The following DDX47 variants were observed in gnomAD, a reference collection of about 807,000 sequenced individuals.
DDX47 encodes the protein DEAD-box helicase 47.
In DDX47, 60 loss-of-function variants were observed where a neutral mutation model predicts 58.8. The ratio of observed to expected loss-of-function variants is 1.02; its 90% CI spans 0.83 to 1.26. The LOEUF is 1.26. Ranked by LOEUF, DDX47 falls within the 50% of genes most tolerant of loss-of-function variation. The pLI, the probability that DDX47 is intolerant of heterozygous loss-of-function variation, is 0.00. For synonymous variants in DDX47, 197 were observed against 204.6 expected (o/e 0.96, Z 0.32); for missense variants, 530 against 573.2 (o/e 0.92, Z 0.77).
chr12:12,816,338 A>C (rs1329421648), intron 2 of DDX47, among the ~76,000 whole-genome samples: 2 of 152,144 alleles, frequency 1.3e-5, no homozygotes, highest in African/African-American at 2.4e-5. Context: ...TTGCTAGGAG[A>C]GTGGATCTTA....
intron 4 of DDX47, 57 bp from the exon 5 acceptor site, chr12:12,821,908 G>GTT (rs200563142): frequency 1.1e-4 from 123 of 1,119,952 alleles, no homozygotes; most frequent in African/African-American, 3.2e-4. Context: ...TATTTGTTTT[G>GTT]TTTTTTTTTT....
chr12:12,829,027 A>G (rs148521469), intron 11 of DDX47, among the ~76,000 whole-genome samples: 41 of 152,334 alleles, frequency 2.7e-4, no homozygotes, highest in African/African-American at 9.9e-4. Flanking sequence ...ATAAATTCCT[A>G]GAAGTACACT....
chr12:12,829,781 A>T lies in DDX47; in HGVS notation c.*227A>T. 2 of 430,520 alleles carry T rather than the reference A, an allele frequency of 4.6e-6. No individual in the cohort carries two copies. Among genetic ancestry groups the T allele is most frequent in the Non-Finnish European group, 8.1e-6 (2 of 248,162 alleles). The allele number at this position is 430,520 out of a possible 1,614,324, so 26.7% of individuals were successfully genotyped here. A position where few individuals can be genotyped will look rare whatever the true frequency, so the allele number is the denominator to read the frequency against. On this transcript the variant is annotated 3_prime_UTR_variant, in exon 12 of 12. Coordinates refer to ENST00000358007, the MANE Select transcript of DDX47 (RefSeq NM_016355.4). ...CTTCGACTTTGATTCCTTGCTCATG[A>T]CATGAGTAGGGTGTGCTCTTCTGTC... is the stretch of plus-strand genomic sequence containing the variant.
chr12:12,826,006 A>G lies in DDX47; in HGVS notation c.1042A>G (p.Ile348Val), dbSNP rs1252873456. ...TTTACCCTTTTTGTTTTAGGATTAC[A>G]TCCATCGAGTAGGTCGAACAGCTAG... ...FDIPTHSKDYIHRVGRTARAG... is the reference protein window; with the variant it reads ...FDIPTHSKDYVHRVGRTARAG... The change falls in exon 10 of 12, where the codon ATC becomes GTC. Residue 348 changes from isoleucine to valine, a missense_variant. Ile to Val is a conservative substitution (Grantham distance 29, BLOSUM62 3). Transcript: ENST00000358007. The G allele has an allele frequency of 6.2e-7, 1 of 1,611,930 alleles. No individual in the cohort carries two copies. Among genetic ancestry groups the G allele is most frequent in the Non-Finnish European group, 8.5e-7 (1 of 1,179,074 alleles).
rs750548037 is a variant in DDX47, at chr12:12,822,050, C to T, written c.528C>T (p.Ala176=). The T allele has an allele frequency of 8.7e-6, 14 of 1,613,240 alleles. No individual in the cohort carries two copies. Among genetic ancestry groups the T allele is most frequent in the South Asian group, 3.3e-5 (3 of 91,038 alleles). Residue 176 remains alanine (A), a synonymous_variant, in exon 5 of 12, where the codon GCC becomes GCT. Coordinates refer to ENST00000358007, the MANE Select transcript of DDX47 (RefSeq NM_016355.4). ...TCAAATACTTGGTCATGGATGAAGC[C>T]GACCGAATACTGAATATGGATTTTG... The part of the protein sequence containing the change: ...RALKYLVMDE[A]DRILNMDFET...
At chr12:12,827,909 T>A (rs1489875405) in intron 11 of DDX47, among the ~76,000 whole-genome samples, 3 of 142,782 alleles carry the variant, frequency 2.1e-5, no homozygotes, top group Non-Finnish European at 4.5e-5. Flanking sequence ...GGAGTTTTGC[T>A]CTTGTTGCCC....
chr12:12,825,898 ATC>A lies in DDX47; in HGVS notation c.1036-100_1036-99del, dbSNP rs1324841633. 21 of 819,338 alleles carry A rather than the reference ATC, an allele frequency of 2.6e-5. No individual in the cohort carries two copies. In the African/African-American group the frequency reaches 3.4e-4, roughly 13 times the overall value. 50.8% of individuals were successfully genotyped at this position (819,338 alleles called of 1,614,324 possible). ...TTATTTTCTCCATGTTACGAAATGA[ATC>A]TATTTTCTTTCAAAGGTTTTGCAGC... is the stretch of plus-strand genomic sequence containing the variant. On this transcript the variant is annotated intron_variant, in intron 9 of 11. Coordinates refer to ENST00000358007, the MANE Select transcript of DDX47 (RefSeq NM_016355.4).
chr12:12,826,316 C>A, intron 10 of DDX47: 1 of 312,926 alleles, frequency 3.2e-6, no homozygotes, highest in Non-Finnish European at 5.8e-6. Flanking sequence ...AGCTGGAGAG[C>A]AATTGCCTTT....
chr12:12,814,267 CA>C, intron 2 of DDX47, 43 bp downstream of exon 2: 1 of 1,175,590 alleles, frequency 8.5e-7, no homozygotes, highest in Admixed American at 1.7e-5. Flanking sequence ...AAAGTTATCT[CA>C]ATTAGATACC....
chr12:12,826,947 G>A (rs1004429914), intron 10 of DDX47, among the ~76,000 whole-genome samples: 1 of 151,806 alleles, frequency 6.6e-6, no homozygotes, highest in Non-Finnish European at 1.5e-5. Flanking sequence ...TATAGAGATG[G>A]CATCTCACTG....
At chr12:12,828,590 G>T (rs1020576699) in intron 11 of DDX47, among the ~76,000 whole-genome samples, 3 of 152,186 alleles carry the variant, frequency 2.0e-5, no homozygotes, top group African/African-American at 7.2e-5. Flanking sequence ...GAGGGATGGA[G>T]AAACTTTGCC....
Position 12,823,992 on chromosome 12 carries a change from C to T in DDX47, c.873C>T (p.Ile291=). ...TGCGAAATCTTGGCTTCACTGCCAT[C>T]CCCCTCCATGGACAAATGAGTCAGG... is the stretch of plus-strand genomic sequence containing the variant. ...LLLRNLGFTA[I]PLHGQMSQSK... is the part of the protein sequence containing the mutation. Residue 291 remains isoleucine (I), a synonymous_variant, in exon 8 of 12, where the codon ATC becomes ATT. Transcript: ENST00000358007. The T allele has an allele frequency of 6.2e-7, 1 of 1,614,022 alleles. No individual in the cohort carries two copies. Among genetic ancestry groups the T allele is most frequent in the South Asian group, 1.1e-5 (1 of 91,074 alleles).
intron 9 of DDX47, among the ~76,000 whole-genome samples, chr12:12,825,704 C>T (rs1863041865): frequency 6.6e-6 from 1 of 152,150 alleles, no homozygotes; most frequent in African/African-American, 2.4e-5. Context: ...TCCAGCTCTG[C>T]CTCGAGATCC....
At chr12:12,826,457 T>A (rs1010937342) in intron 10 of DDX47, among the ~76,000 whole-genome samples, 9 of 152,070 alleles carry the variant, frequency 5.9e-5, no homozygotes, top group African/African-American at 1.4e-4. Context: ...TTTCCTTTTT[T>A]TTTTTGTATT....
Position 12,814,156 on chromosome 12 carries a change from C to G in DDX47, c.113C>G (p.Ala38Gly), listed in dbSNP as rs202215338. The G allele has an allele frequency of 6.2e-7, 1 of 1,613,730 alleles. No individual in the cohort carries two copies. Among genetic ancestry groups the G allele is most frequent in the African/African-American group, 1.3e-5 (1 of 75,008 alleles). Residue 38 changes from alanine to glycine, a missense_variant, in exon 2 of 12, where the codon GCT becomes GGT. Coordinates refer to ENST00000358007, the MANE Select transcript of DDX47 (RefSeq NM_016355.4). ...DLGVTDVLCE[A>G]CDQLGWTKPT... Reference sequence around the variant, plus strand: ...GGTGTGACAGATGTGTTGTGTGAAGCTTGTGACCAGTTGGGATGGACAAAA... The same window carrying G: ...GGTGTGACAGATGTGTTGTGTGAAGGTTGTGACCAGTTGGGATGGACAAAA...
At position 12,821,387 on chromosome 12, in the gene DDX47, G is replaced by A; in HGVS notation, c.361G>A (p.Val121Met). 1 of 1,614,164 alleles carries A rather than the reference G, an allele frequency of 6.2e-7. No individual in the cohort carries two copies. The highest frequency in any genetic ancestry group is 8.5e-7 in the Non-Finnish European group (1 of 1,179,972). Residue 121 changes from valine (V) to methionine (M), a missense_variant, in exon 3 of 12, where the codon GTG becomes ATG. Physicochemically the swap from Val to Met is conservative, Grantham distance 21 (BLOSUM62 1). Coordinates refer to ENST00000358007, the MANE Select transcript of DDX47 (RefSeq NM_016355.4). ...QFEALGSSIG[V>M]QSAVIVGGID... The stretch of plus-strand genomic sequence containing the variant: ...TGAAGCCCTGGGGTCCTCTATTGGA[G>A]TGCAGAGTGGTAAGTGTCTGAGAGG...
chr12:12,827,456 A>G, intron 11 of DDX47, 81 bp downstream of exon 11: 1 of 1,457,542 alleles, frequency 6.9e-7, no homozygotes, highest in Non-Finnish European at 9.4e-7. Flanking sequence ...CCCTCATACT[A>G]AACTGCAGAA....
chr12:12,827,876 C>A (rs71433476), intron 11 of DDX47, among the ~76,000 whole-genome samples: 1 of 132,778 alleles, frequency 7.5e-6, no homozygotes, highest in Non-Finnish European at 1.6e-5. Context: ...TTTCTTTTTT[C>A]TTTTTTTTTT....
intron 9 of DDX47, among the ~76,000 whole-genome samples, chr12:12,825,335 G>A (rs1052838268): frequency 1.3e-5 from 2 of 152,128 alleles, no homozygotes; most frequent in African/African-American, 2.4e-5. Context: ...TTAAGCTTTC[G>A]AATTCCTTGT....
Sources: gnomAD v4.1 joint callset for allele counts (sites outside exome capture counted in the v4.1 genomes callset) on GRCh38, gnomAD v4.1.1 for gene constraint, MANE v1.5 for transcripts, NCBI Gene and HGNC (gene_info 2026-07-23, HGNC 2026-07-21) for gene names.